PSD3: variants seen among roughly 807,000 people sequenced by gnomAD.
The protein encoded by PSD3 is pleckstrin and Sec7 domain containing 3.
Under a neutral mutation model 105.5 loss-of-function variants are expected in PSD3, and 49 were observed. The observed-to-expected ratio is 0.46, with a 90% CI of 0.37 to 0.59. The LOEUF is 0.59. PSD3 is among the 20% of genes least tolerant of loss of function. PSD3 has a pLI of 0.00. For missense variants in PSD3, 1,561 were observed against 1,263.8 expected, an observed-to-expected ratio of 1.24 and a Z score of -3.57; for synonymous variants, 557 against 457.8, an observed-to-expected ratio of 1.22 and a Z score of -2.77.
chr8:18,894,651 C>T (rs931910027), intron 2 of PSD3, among the ~76,000 whole-genome samples: 4 of 152,074 alleles, frequency 2.6e-5, no homozygotes. Context: ...ATTCTTTTAA[C>T]CCCAAGAATA....
At chr8:18,738,985 C>G (rs1247830228) in intron 9 of PSD3, among the ~76,000 whole-genome samples, 1 of 152,050 alleles carries the variant, frequency 6.6e-6, no homozygotes, top group Admixed American at 6.6e-5. Flanking sequence ...TTAAGAAGAA[C>G]CTTCGGCTCT....
At chr8:19,025,068 G>T (rs1400238496) in intron 1 of PSD3, among the ~76,000 whole-genome samples, 1 of 152,100 alleles carries the variant, frequency 6.6e-6, no homozygotes, top group African/African-American at 2.4e-5. Flanking sequence ...TGAAAGAGCT[G>T]CATATACTAG....
upstream of PSD3, among the ~76,000 whole-genome samples, chr8:19,017,516 C>A (rs1359823576): frequency 6.6e-6 from 1 of 152,216 alleles, no homozygotes; most frequent in Non-Finnish European, 1.5e-5. Flanking sequence ...GGAAACTTTT[C>A]ATCATCCCCT....
At chr8:18,546,535 A>G (rs1362071531) in intron 15 of PSD3, among the ~76,000 whole-genome samples, 2 of 152,234 alleles carry the variant, frequency 1.3e-5, no homozygotes, top group African/African-American at 4.8e-5. Flanking sequence ...TGATGATTTA[A>G]TATGGAAAAA....
intron 4 of PSD3, among the ~76,000 whole-genome samples, chr8:18,862,169 C>T (rs546588599): frequency 2.0e-5 from 3 of 152,140 alleles, no homozygotes; most frequent in South Asian, 2.1e-4. Context: ...ATTTTTGTTC[C>T]ATCTGATTAA....
chr8:18,873,330 G>C (rs1240893550), intron 2 of PSD3, among the ~76,000 whole-genome samples: 1 of 152,282 alleles, frequency 6.6e-6, no homozygotes, highest in African/African-American at 2.4e-5. Context: ...CATGGAATGA[G>C]AAACTTAGTG....
chr8:18,932,418 G>C (rs887658626), intron 2 of PSD3, among the ~76,000 whole-genome samples: 1 of 152,142 alleles, frequency 6.6e-6, no homozygotes, highest in African/African-American at 2.4e-5. Context: ...GCAAGTTTAG[G>C]ACAATTTATG....
intron 4 of PSD3, among the ~76,000 whole-genome samples, chr8:18,848,003 T>C (rs138475384): frequency 1.7e-3 from 260 of 151,964 alleles, no homozygotes; most frequent in Non-Finnish European, 2.8e-3. Flanking sequence ...TAAAGCAGAC[T>C]GCAAAGGCAG....
At chr8:18,578,341 G>A (rs1202680396) in intron 12 of PSD3, among the ~76,000 whole-genome samples, 3 of 152,080 alleles carry the variant, frequency 2.0e-5, no homozygotes, top group Non-Finnish European at 2.9e-5. Context: ...CTGTAGCTAA[G>A]ACAGATTTAA....
In PSD3 at chr8:18,872,701, T is replaced by C. The variant is rs1817472444; in HGVS notation, c.163A>G (p.Asn55Asp). Residue 55 changes from asparagine (N) to aspartate (D), a missense_variant, in exon 3 of 16, where the codon AAT (asparagine) becomes GAT (aspartate). By Grantham distance (23) the Asn-to-Asp change is conservative (BLOSUM62 1). Transcript: ENST00000327040. ...TATTCTGGAAATTCATTTGTGACAT[T>C]TGGTGGGAGTAAAGTGCTTCCTCCA... is the stretch of plus-strand genomic sequence containing the variant. The part of the protein sequence containing the change: ...DHGGSTLLPP[N>D]VTNEFPEYGT... 3 of 1,580,756 alleles carry C rather than the reference T, an allele frequency of 1.9e-6. No homozygotes were observed. Among genetic ancestry groups the C allele is most frequent in the Non-Finnish European group, 2.6e-6 (3 of 1,166,074 alleles).
chr8:18,641,924 GTAGT>G (rs1463724648), intron 10 of PSD3, among the ~76,000 whole-genome samples: 2 of 152,124 alleles, frequency 1.3e-5, no homozygotes, highest in Non-Finnish European at 2.9e-5. Flanking sequence ...AAGAAAGCAT[GTAGT>G]TAAATTTTAA....
intron 4 of PSD3, among the ~76,000 whole-genome samples, chr8:18,841,483 C>CACACACACAG (rs1174625675): frequency 6.6e-6 from 1 of 151,912 alleles, no homozygotes; most frequent in Non-Finnish European, 1.5e-5. Context: ...CACACACACA[C>CACACACACAG]ACACACACAC....
At chr8:19,032,649 C>CAAA (rs59029468) in intron 1 of PSD3, among the ~76,000 whole-genome samples, 5 of 108,246 alleles carry the variant, frequency 4.6e-5, no homozygotes, top group African/African-American at 1.0e-4. Flanking sequence ...GACTCTGTCT[C>CAAA]AAAAAAAAAA....
intron 11 of PSD3, among the ~76,000 whole-genome samples, chr8:18,601,877 G>A (rs1003361627): frequency 6.6e-6 from 1 of 152,146 alleles, no homozygotes; most frequent in East Asian, 1.9e-4. Flanking sequence ...TGCAGAGCAG[G>A]GCCTCAGGTG....
chr8:18,805,851 C>T (rs1043702577), intron 4 of PSD3, among the ~76,000 whole-genome samples: 10 of 152,152 alleles, frequency 6.6e-5, no homozygotes, highest in African/African-American at 2.4e-4. Flanking sequence ...TAATCATTTG[C>T]TACAAATTAT....
rs147946835 is a variant in PSD3 at position 18,754,922 on chromosome 8, T to C, written c.2172+10527A>G. 8.3e-3 allele frequency among the ~76,000 whole-genome samples: 1,270 copies of C among 152,260 alleles called. 12 individuals are homozygous for C. The highest frequency in any genetic ancestry group is 0.015 in the Non-Finnish European group (989 of 68,018). ...AGTAAATACCATGTTCAGGATAGAA[T>C]ATTTGCCATGGTAGTTCCACTTATC... On this transcript the variant is annotated intron_variant, in intron 9 of 15. Coordinates refer to ENST00000327040, the MANE Select transcript of PSD3 (RefSeq NM_015310.4).
chr8:18,821,717 A>ACACACACACACC (rs1554513425), intron 4 of PSD3, among the ~76,000 whole-genome samples: 5,964 of 140,940 alleles, frequency 0.042, 166 homozygotes, highest in Non-Finnish European at 0.055. Flanking sequence ...ACACACACAC[A>ACACACACACACC]CCCCAATAAC....
At chr8:18,968,879 C>CAAAAAAAAAAAAAAAAAAAA (rs10597134) in intron 1 of PSD3, among the ~76,000 whole-genome samples, 1 of 71,722 alleles carries the variant, frequency 1.4e-5, no homozygotes, top group African/African-American at 5.5e-5. Flanking sequence ...AAAATGTCTC[C>CAAAAAAAAAAAAAAAAAAAA]AAAAAAAAAA....
intron 8 of PSD3, among the ~76,000 whole-genome samples, chr8:18,788,418 C>T (rs929446776): frequency 6.6e-6 from 1 of 152,164 alleles, no homozygotes; most frequent in Non-Finnish European, 1.5e-5. Context: ...AGCGTGCCAT[C>T]CCTGGCAATC....
Sources: allele counts gnomAD v4.1 joint callset (sites outside exome capture counted in the v4.1 genomes callset), GRCh38; gene constraint gnomAD v4.1.1; transcripts MANE v1.5; gene names NCBI Gene and HGNC (gene_info 2026-07-23, HGNC 2026-07-21).